INPP5F: variants seen among roughly 807,000 people sequenced by gnomAD.
INPP5F encodes phosphatidylinositide 4-phosphatase SAC2.
Under a neutral mutation model 137.2 loss-of-function variants are expected in INPP5F, and 97 were observed. That is an observed-to-expected ratio of 0.71 (90% CI 0.60 to 0.84). The LOEUF is 0.84. INPP5F is among the 40% of genes least tolerant of loss of function. The pLI, the probability that INPP5F is intolerant of heterozygous loss-of-function variation, is 0.00. For missense variants in INPP5F, 1,271 were observed against 1,371.9 expected (o/e 0.93, Z 1.16); for synonymous variants, 504 against 476.9 (o/e 1.06, Z -0.74).
chr10:119,807,631 T>C (rs920907481), intron 12 of INPP5F, among the ~76,000 whole-genome samples: 6 of 152,236 alleles, frequency 3.9e-5, no homozygotes, highest in South Asian at 2.1e-4. Flanking sequence ...GTGTGCTTTT[T>C]TGATATTCAG....
chr10:119,730,212 C>A (rs188282313), intron 1 of INPP5F, among the ~76,000 whole-genome samples: 1 of 152,070 alleles, frequency 6.6e-6, no homozygotes, highest in Non-Finnish European at 1.5e-5. Flanking sequence ...CGGGTTCAAG[C>A]GATTCTCCTG....
chr10:119,770,672 AGT>A (rs1432134419), intron 2 of INPP5F, among the ~76,000 whole-genome samples: 2 of 151,946 alleles, frequency 1.3e-5, no homozygotes, highest in Admixed American at 6.6e-5. Flanking sequence ...TTCTAGAGTG[AGT>A]GTTTTTGCTT....
rs200911483 is a variant in INPP5F at position 119,813,639 on chromosome 10, AAAAC to A, written c.1886+1692_1886+1695del. Among the ~76,000 whole-genome samples, 143 of 152,196 alleles carry A rather than the reference AAAAC, an allele frequency of 9.4e-4. 4 individuals carry two copies. The East Asian group carries it at 0.022, about 24-fold the overall frequency. ...GACCCTGTCTCAAAAAAAACAAAAC[AAAAC>A]AAACAAAAAAACTCAAAAAAACACT... On this transcript the variant is annotated intron_variant, in intron 15 of 19. Transcript: ENST00000650623.
chr10:119,752,477 C>T (rs558342164), intron 2 of INPP5F, among the ~76,000 whole-genome samples: 258 of 150,690 alleles, frequency 1.7e-3, no homozygotes, highest in African/African-American at 6.1e-3. Context: ...CCCAGCTATT[C>T]GGGAGGCTGA....
At chr10:119,823,383 A>G (rs1270909348) in intron 18 of INPP5F, among the ~76,000 whole-genome samples, 184 bp downstream of exon 18, 1 of 152,192 alleles carries the variant, frequency 6.6e-6, no homozygotes, top group African/African-American at 2.4e-5. Context: ...AATTATCTGA[A>G]TGTATTATTT....
In INPP5F at chr10:119,748,990, C is replaced by T. The variant is rs552494652; in HGVS notation, c.98-2086C>T. 6.6e-6 allele frequency among the ~76,000 whole-genome samples: 1 copy of T among 152,324 alleles called. No homozygotes were observed. Among genetic ancestry groups the T allele is most frequent in the African/African-American group, 2.4e-5 (1 of 41,578 alleles). On this transcript the variant is annotated intron_variant, in intron 1 of 19. Transcript: ENST00000650623. The surrounding 1 kb of genome is among the most constrained non-coding windows in gnomAD (Gnocchi z 4.7). ...CTGCTGGCCTCTCTCCCACGCTTAT[C>T]GGCACCCGAAGTCCAGAGGGGGCTG... is the stretch of plus-strand genomic sequence containing the variant.
intron 2 of INPP5F, 65 bp from the exon 3 acceptor site, chr10:119,781,570 C>G: frequency 7.1e-7 from 1 of 1,403,970 alleles, no homozygotes; most frequent in Admixed American, 2.3e-5. Flanking sequence ...GGTTATTCAC[C>G]TTCAACTTGT....
intron 2 of INPP5F, among the ~76,000 whole-genome samples, chr10:119,758,503 G>C (rs1848914752): frequency 6.6e-6 from 1 of 152,182 alleles, no homozygotes; most frequent in South Asian, 2.1e-4. Flanking sequence ...GACTGCTTTA[G>C]GCTGGAGATT....
chr10:119,782,288 G>T (rs1278758806), intron 3 of INPP5F, among the ~76,000 whole-genome samples: 2 of 152,198 alleles, frequency 1.3e-5, no homozygotes, highest in South Asian at 2.1e-4. Context: ...TCCACAAGTA[G>T]AGTGATTTAA....
At chr10:119,737,039 G>A (rs1388248464) in intron 1 of INPP5F, among the ~76,000 whole-genome samples, 1 of 151,986 alleles carries the variant, frequency 6.6e-6, no homozygotes, top group Non-Finnish European at 1.5e-5. Flanking sequence ...ATGTTGTCCA[G>A]GCTGGTCTCA....
chr10:119,817,713 T>A (rs1240662556), intron 15 of INPP5F, among the ~76,000 whole-genome samples: 1 of 152,216 alleles, frequency 6.6e-6, no homozygotes, highest in African/African-American at 2.4e-5. Context: ...AAAGTTTTGT[T>A]GGGAACAGGG....
At chr10:119,784,800 G>A (rs1271495373) in intron 3 of INPP5F, among the ~76,000 whole-genome samples, 1 of 152,094 alleles carries the variant, frequency 6.6e-6, no homozygotes, top group Middle Eastern at 3.2e-3. Flanking sequence ...ATCAATTTTA[G>A]AACCTTTCAT....
In INPP5F at chr10:119,807,873, AT is replaced by A. The variant is rs1035151056; in HGVS notation, c.1441-53del. 3.3e-6 allele frequency: 5 copies of A among 1,499,238 alleles called. No homozygotes were observed. In the African/African-American group the frequency reaches 5.6e-5, roughly 17 times the overall value. 92.9% of individuals were successfully genotyped at this position (1,499,238 alleles called of 1,614,324 possible). A position where few individuals can be genotyped will look rare whatever the true frequency, so the allele number is the denominator to read the frequency against. On this transcript the variant is annotated intron_variant, in intron 12 of 19. Transcript: ENST00000650623. ...TATGTTTCCTTTTTCTGCAGTACAC[AT>A]TTTTTGCTATGGTTTCCTGGCCCAT...
intron 2 of INPP5F, among the ~76,000 whole-genome samples, chr10:119,762,883 A>C (rs569813842): frequency 6.6e-6 from 1 of 152,282 alleles, no homozygotes; most frequent in South Asian, 2.1e-4. Context: ...CATTCATTAT[A>C]ATCCCAACAT....
intron 15 of INPP5F, among the ~76,000 whole-genome samples, chr10:119,814,873 T>G (rs1463694450): frequency 6.6e-6 from 1 of 152,142 alleles, no homozygotes; most frequent in Admixed American, 6.5e-5. Flanking sequence ...TCTACTTTTT[T>G]TGTTTTTTTT....
intron 19 of INPP5F, among the ~76,000 whole-genome samples, chr10:119,824,268 C>T (rs1479588436): frequency 6.6e-6 from 1 of 152,218 alleles, no homozygotes; most frequent in Non-Finnish European, 1.5e-5. Flanking sequence ...TCACTAGCAT[C>T]CTTTTTCTGT....
chr10:119,740,494 T>C (rs1848341128), intron 1 of INPP5F, among the ~76,000 whole-genome samples: 1 of 152,230 alleles, frequency 6.6e-6, no homozygotes, highest in Non-Finnish European at 1.5e-5. Flanking sequence ...GGTCCTACCA[T>C]GAGGTTTAAT....
Position 119,827,130 on chromosome 10 carries a change from GCTC to G in INPP5F, c.2752_2754del (p.Pro918del). Reference sequence around the variant, plus strand: ...TAGCAGCACAGATAGTAGCGTTCATGCTCCTTCAGAGATTACTGTTGCTCATGG... The same window carrying G: ...TAGCAGCACAGATAGTAGCGTTCATGCTTCAGAGATTACTGTTGCTCATGG... On this transcript the variant is annotated inframe_deletion, in exon 20 of 20. Coordinates refer to ENST00000650623, the MANE Select transcript of INPP5F (RefSeq NM_014937.4). The G allele has an allele frequency of 6.2e-7, 1 of 1,614,136 alleles. No homozygotes were observed. Among genetic ancestry groups the G allele is most frequent in the Non-Finnish European group, 8.5e-7 (1 of 1,180,028 alleles).
chr10:119,778,456 T>G (rs1334950546), intron 2 of INPP5F, among the ~76,000 whole-genome samples: 1 of 152,082 alleles, frequency 6.6e-6, no homozygotes, highest in African/African-American at 2.4e-5. Context: ...AACTGAAAAA[T>G]TGATTTGCAT....
Sources: gnomAD v4.1 joint callset for allele counts (sites outside exome capture counted in the v4.1 genomes callset) on GRCh38, gnomAD v4.1.1 for gene constraint, Gnocchi (gnomAD v3.1) non-coding constraint, MANE v1.5 for transcripts, NCBI Gene and HGNC (gene_info 2026-07-23, HGNC 2026-07-21) for gene names.